The following ARID4A variants were observed in gnomAD, a reference collection of about 807,000 sequenced individuals.
The protein encoded by ARID4A is AT-rich interactive domain-containing protein 4A.
A neutral mutation model predicts 148.6 loss-of-function variants in ARID4A; 39 were observed. The ratio of observed to expected loss-of-function variants is 0.26; its 90% confidence interval spans 0.20 to 0.34. The LOEUF is 0.34. Among genes scored for constraint, ARID4A ranks in the 10% least tolerant of loss-of-function variants. The pLI, the probability that ARID4A is intolerant of heterozygous loss-of-function variation, is 1.00. For missense variants in ARID4A, 1,265 were observed against 1,449.1 expected, an observed-to-expected ratio of 0.87 and a Z score of 2.06; for synonymous variants, 475 against 481.2, an observed-to-expected ratio of 0.99 and a Z score of 0.17.
rs1387620966 is a variant in ARID4A at position 58,373,836 on chromosome 14, A to G, written c.*1847A>G. 6.5e-6 allele frequency: 1 copy of G among 154,856 alleles called. No individual in the cohort carries two copies. The highest frequency in any genetic ancestry group is 1.4e-5 in the Non-Finnish European group (1 of 69,622). The allele number at this position is 154,856 out of a possible 1,614,324, so 9.6% of individuals were successfully genotyped here. A position where few individuals can be genotyped will look rare whatever the true frequency, so the allele number is the denominator to read the frequency against. ...TTCACAAAACCAAGCATTTTAGTAT[A>G]TTCAGCCTTTACAATAAAATATTTC... is the stretch of plus-strand genomic sequence containing the variant. On this transcript the variant is annotated 3_prime_UTR_variant, in exon 24 of 24. Transcript: ENST00000355431.
chr14:58,337,039 G>A (rs1019775454), intron 11 of ARID4A, among the ~76,000 whole-genome samples: 7 of 150,870 alleles, frequency 4.6e-5, no homozygotes, highest in African/African-American at 1.7e-4. Context: ...TTACAGGCAT[G>A]TGCCACCATG....
chr14:58,340,589 A>G (rs572533662), intron 11 of ARID4A, among the ~76,000 whole-genome samples: 2 of 152,158 alleles, frequency 1.3e-5, no homozygotes, highest in African/African-American at 2.4e-5. Flanking sequence ...AGCTCAGGCA[A>G]TCCGCCCATC....
intron 11 of ARID4A, among the ~76,000 whole-genome samples, chr14:58,342,529 G>C (rs1339353967): frequency 6.6e-6 from 1 of 152,112 alleles, no homozygotes; most frequent in Non-Finnish European, 1.5e-5. Flanking sequence ...ACTTGTATTG[G>C]GGAGCAACTT....
intron 5 of ARID4A, among the ~76,000 whole-genome samples, chr14:58,310,796 A>T (rs906140158): frequency 2.6e-5 from 4 of 151,936 alleles, no homozygotes; most frequent in African/African-American, 9.7e-5. Context: ...CAAACTAAAT[A>T]GCTTCCACAC....
intron 11 of ARID4A, among the ~76,000 whole-genome samples, chr14:58,336,725 CTGTT>C (rs1340565872): frequency 2.0e-5 from 3 of 152,010 alleles, no homozygotes; most frequent in Non-Finnish European, 4.4e-5. Context: ...TAAAGTAAGA[CTGTT>C]TGTTTAGTCC....
chr14:58,373,326 GT>G lies in ARID4A; in HGVS notation c.*1341del, dbSNP rs558883124. 239 of 189,902 alleles carry G rather than the reference GT, an allele frequency of 1.3e-3. 1 individual carries two copies. The highest frequency in any genetic ancestry group is 1.5e-3 in the Non-Finnish European group (133 of 90,304). The allele number at this position is 189,902 out of a possible 1,614,324, so 11.8% of individuals were successfully genotyped here. ...CTTCCAAAATCATGTATTTAAAGCA[GT>G]TTTGCATATACATTATGTAAAAAGG... On this transcript the variant is annotated 3_prime_UTR_variant, in exon 24 of 24. Coordinates refer to ENST00000355431, the MANE Select transcript of ARID4A (RefSeq NM_002892.4).
chr14:58,299,556 A>T (rs2030940071), intron 1 of ARID4A: 11 of 524,126 alleles, frequency 2.1e-5, no homozygotes. Flanking sequence ...CAAAGTGGCC[A>T]GCGAGGCGGG....
chr14:58,335,243 T>C (rs1313608207), intron 11 of ARID4A, among the ~76,000 whole-genome samples: 1 of 152,134 alleles, frequency 6.6e-6, no homozygotes, highest in Non-Finnish European at 1.5e-5. Context: ...TGACTTGATA[T>C]CTATATGTAC....
intron 11 of ARID4A, among the ~76,000 whole-genome samples, chr14:58,330,990 G>A (rs1355583302): frequency 6.6e-6 from 1 of 152,120 alleles, no homozygotes; most frequent in Non-Finnish European, 1.5e-5. Context: ...CTGAAAAGGG[G>A]GACCTATTTG....
At chr14:58,365,942 AAATGT>A in intron 21 of ARID4A, 77 bp from the exon 22 acceptor site, 1 of 1,186,820 alleles carries the variant, frequency 8.4e-7, no homozygotes, top group Non-Finnish European at 1.2e-6. Context: ...GGATACCAAG[AAATGT>A]AATTGTTAGG....
chr14:58,328,169 C>G, intron 8 of ARID4A, 68 bp from the exon 9 acceptor site: 1 of 1,181,690 alleles, frequency 8.5e-7, no homozygotes, highest in Non-Finnish European at 1.2e-6. Flanking sequence ...CAGAATTGTT[C>G]TTTTGAAAAA....
chr14:58,300,046 C>T (rs1045177419), intron 2 of ARID4A, among the ~76,000 whole-genome samples, 186 bp downstream of exon 2: 2 of 151,996 alleles, frequency 1.3e-5, no homozygotes, highest in Non-Finnish European at 2.9e-5. Context: ...GAGTTTAGGC[C>T]CTCTCTGTAG....
At chr14:58,308,672 A>G (rs2031790985) in intron 5 of ARID4A, among the ~76,000 whole-genome samples, 2 of 152,196 alleles carry the variant, frequency 1.3e-5, no homozygotes, top group African/African-American at 4.8e-5. Flanking sequence ...GAAATGTAAA[A>G]CCTCTTGGGT....
intron 7 of ARID4A, among the ~76,000 whole-genome samples, chr14:58,322,988 T>C (rs1296253645): frequency 8.7e-6 from 1 of 114,658 alleles, no homozygotes; most frequent in Non-Finnish European, 1.8e-5. Flanking sequence ...AAAATATATA[T>C]ATATATATAT....
chr14:58,343,713 C>T (rs959553073), intron 11 of ARID4A, among the ~76,000 whole-genome samples: 12 of 151,870 alleles, frequency 7.9e-5, no homozygotes, highest in Non-Finnish European at 1.5e-4. Flanking sequence ...TCCTGTAGTC[C>T]CAGCTACTCA....
At chr14:58,309,079 A>G (rs1400433885) in intron 5 of ARID4A, among the ~76,000 whole-genome samples, 4 of 152,190 alleles carry the variant, frequency 2.6e-5, no homozygotes, top group Non-Finnish European at 5.9e-5. Flanking sequence ...TTTTTAAAAA[A>G]TCTGGTAATA....
At chr14:58,321,778 C>T (rs1359202652) in intron 7 of ARID4A, among the ~76,000 whole-genome samples, 2 of 151,968 alleles carry the variant, frequency 1.3e-5, no homozygotes, top group Non-Finnish European at 2.9e-5. Flanking sequence ...AGATATATCA[C>T]TTTGGGAAAA....
At chr14:58,323,396 G>T in intron 7 of ARID4A, 89 bp from the exon 8 acceptor site, 1 of 1,432,978 alleles carries the variant, frequency 7.0e-7, no homozygotes, top group South Asian at 1.3e-5. Flanking sequence ...TAGTCCATTA[G>T]AAATTGAATT....
chr14:58,306,071 C>G lies in ARID4A; in HGVS notation c.233C>G (p.Ala78Gly), dbSNP rs1326318057. 20 of 1,613,432 alleles carry G rather than the reference C, an allele frequency of 1.2e-5. No individual in the cohort carries two copies. The highest frequency in any genetic ancestry group is 1.7e-5 in the Non-Finnish European group (20 of 1,179,712). Reference protein sequence around the residue: ...TRTSDGSFQEAIISKLTDASW... With the variant: ...TRTSDGSFQEGIISKLTDASW... Reference sequence around the variant, plus strand: ...ACATCTGATGGATCTTTTCAGGAAGCTATTATCAGCAAGTTGACAGATGCT... The same window carrying G: ...ACATCTGATGGATCTTTTCAGGAAGGTATTATCAGCAAGTTGACAGATGCT... The change falls in exon 5 of 24, where the codon GCT becomes GGT. Residue 78 changes from alanine to glycine, a missense_variant. Around this residue, in one of 9 missense-constraint regions of ARID4A, gnomAD observed 59 missense variants for 49.8 expected, o/e 1.18. Transcript: ENST00000355431.
Sources: gnomAD v4.1 joint callset for allele counts (sites outside exome capture counted in the v4.1 genomes callset) on GRCh38, gnomAD v4.1.1 for gene constraint, gnomAD v4.1.1 regional missense constraint, MANE v1.5 for transcripts, NCBI Gene and HGNC (gene_info 2026-07-23, HGNC 2026-07-21) for gene names.